RGPD1: variants seen among roughly 807,000 people sequenced by gnomAD.
RGPD1 encodes the protein RANBP2 like and GRIP domain containing 1.
In RGPD1, 7 loss-of-function variants were observed where a neutral mutation model predicts 40.6. The ratio of observed to expected loss-of-function variants is 0.17; its 90% CI spans 0.10 to 0.32. The LOEUF is 0.32. Ranked by LOEUF, RGPD1 falls within the 10% of genes least tolerant of loss-of-function variation. The pLI is 1.00. For synonymous variants in RGPD1, 24 were observed against 167.0 expected (o/e 0.14, Z 6.60); for missense variants, 50 against 472.5 (o/e 0.11, Z 8.29).
At position 86,915,370 on chromosome 2, in the gene RGPD1, T is replaced by C. The variant is rs969209152; in HGVS notation, c.72+1449T>C. ...TTTAGGAATTTTCACTGCTGGTAAA[T>C]GGTATTCCAAGTTGCTATAGAGATT... On this transcript the variant is annotated intron_variant, in intron 1 of 22. Transcript: ENST00000398193. Among the ~76,000 whole-genome samples the C allele has an allele frequency of 2.0e-5, 3 of 148,872 alleles. 1 individual carries two copies. The highest frequency in any genetic ancestry group is 7.4e-5 in the African/African-American group (3 of 40,434).
chr2:86,913,742 C>T, upstream of RGPD1: 3 of 1,362,846 alleles, frequency 2.2e-6, no homozygotes, highest in Non-Finnish European at 2.0e-6. Context: ...CACAGTGGTC[C>T]TCCGCCGGCT....
chr2:86,941,098 C>G (rs1679709980), upstream of RGPD1, among the ~76,000 whole-genome samples: 1 of 151,850 alleles, frequency 6.6e-6, no homozygotes, highest in African/African-American at 2.4e-5. Flanking sequence ...CAAAATAGCC[C>G]AAATTTCCAG....
In RGPD1 at chr2:87,013,465, A is replaced by G. The variant is rs1682271845; in HGVS notation, c.*918A>G. The G allele has an allele frequency of 1.2e-5, 2 of 160,902 alleles. No individual in the cohort carries two copies. Among genetic ancestry groups the G allele is most frequent in the Non-Finnish European group, 2.4e-5 (2 of 82,682 alleles). The allele number at this position is 160,902 out of a possible 1,614,324, so 10.0% of individuals were successfully genotyped here. A position where few individuals can be genotyped will look rare whatever the true frequency, so the allele number is the denominator to read the frequency against. Reference sequence around the variant, plus strand: ...GAAATATTCAAGTAAACAATATAAAATGAGATCACTTGATGATACATGGAT... The same window carrying G: ...GAAATATTCAAGTAAACAATATAAAGTGAGATCACTTGATGATACATGGAT... On this transcript the variant is annotated 3_prime_UTR_variant, in exon 23 of 23. Coordinates refer to ENST00000641458, the MANE Select transcript of RGPD1 (RefSeq NM_001382344.1).
rs867333590 is a variant in RGPD1, at chr2:86,930,178, C to A, written c.72+16257C>A. 17 of 1,450,096 alleles carry A rather than the reference C, an allele frequency of 1.2e-5. 3 individuals carry two copies. In the Middle Eastern group the frequency reaches 1.5e-3, roughly 126 times the overall value. 89.8% of individuals were successfully genotyped at this position (1,450,096 alleles called of 1,614,324 possible). ...AGGGGTCACCCCTGCCCCAGACTCA[C>A]CCTCCTGATGAGGGAGGGCACTCTG... On this transcript the variant is annotated intron_variant, in intron 1 of 22. Coordinates refer to the RGPD1 transcript ENST00000398193.
intron 1 of RGPD1, among the ~76,000 whole-genome samples, chr2:86,924,081 CA>C (rs1678262145): frequency 3.3e-5 from 2 of 60,544 alleles, no homozygotes; most frequent in Non-Finnish European, 6.3e-5. Context: ...AGGCTATTTC[CA>C]TTTTTTTTTT....
At chr2:86,915,387 A>G (rs978780159) in intron 1 of RGPD1, among the ~76,000 whole-genome samples, 6 of 148,002 alleles carry the variant, frequency 4.1e-5, no homozygotes, top group Non-Finnish European at 7.5e-5. Flanking sequence ...CCAAGTTGCT[A>G]TAGAGATTCC....
intron 1 of RGPD1, among the ~76,000 whole-genome samples, chr2:86,914,971 C>A (rs151053816): frequency 6.9e-6 from 1 of 145,534 alleles, no homozygotes; most frequent in Admixed American, 6.9e-5. Context: ...TAAGGTACTT[C>A]TGTTGGGGAA....
chr2:86,928,008 AAGATC>A (rs1678626737), intron 1 of RGPD1, among the ~76,000 whole-genome samples: 1 of 104,374 alleles, frequency 9.6e-6, no homozygotes, highest in African/African-American at 4.3e-5. Context: ...ATATTGTTCT[AAGATC>A]AGGAATACAG....
At position 86,964,251 on chromosome 2, in the gene RGPD1, G is replaced by A. The variant is rs1450448264; in HGVS notation, c.975+1027G>A. ...GTAGAGACGGGGTTTCACTGTGTTAGCCAGGATGGTCTCAATCTCCTGACC... is the reference window on the plus strand; with the variant it reads ...GTAGAGACGGGGTTTCACTGTGTTAACCAGGATGGTCTCAATCTCCTGACC... On this transcript the variant is annotated intron_variant, in intron 7 of 22. Transcript: ENST00000641458. Among the ~76,000 whole-genome samples the A allele has an allele frequency of 3.9e-5, 4 of 103,850 alleles. 2 individuals are homozygous for A. Among genetic ancestry groups the A allele is most frequent in the African/African-American group, 1.8e-4 (4 of 21,936 alleles). The allele number at this position is 103,850 out of a possible 152,430, so 68.1% of individuals were successfully genotyped here. A position where few individuals can be genotyped will look rare whatever the true frequency, so the allele number is the denominator to read the frequency against.
intron 1 of RGPD1, among the ~76,000 whole-genome samples, chr2:86,914,254 C>T (rs1384705818): frequency 8.2e-5 from 7 of 85,096 alleles, no homozygotes; most frequent in Non-Finnish European, 1.4e-4. Flanking sequence ...GCGGCGGCGG[C>T]GGCCTCGGCC....
chr2:86,913,828 C>T lies in RGPD1; in HGVS notation c.-22C>T, dbSNP rs544949230. The T allele has an allele frequency of 2.0e-5, 32 of 1,561,482 alleles. No individual in the cohort carries two copies. In the African/African-American group the frequency reaches 3.2e-4, roughly 15 times the overall value. On this transcript the variant is annotated 5_prime_UTR_variant, in exon 1 of 23. Transcript: ENST00000398193. ...GGCTGAGCGCTGGTTTCACGCGTCTCGGGAGCCAGGTTGGCGGTGCGATGA... is the reference window on the plus strand; with the variant it reads ...GGCTGAGCGCTGGTTTCACGCGTCTTGGGAGCCAGGTTGGCGGTGCGATGA...
upstream of RGPD1, among the ~76,000 whole-genome samples, chr2:86,938,520 T>C (rs1431632861): frequency 6.9e-6 from 1 of 145,618 alleles, no homozygotes; most frequent in African/African-American, 2.6e-5. Context: ...AAGATCAGAG[T>C]AGGCATGGGC....
intron 1 of RGPD1, among the ~76,000 whole-genome samples, chr2:86,943,140 G>A (rs1345379992): frequency 4.0e-5 from 6 of 151,360 alleles, no homozygotes; most frequent in Non-Finnish European, 8.8e-5. Flanking sequence ...GAGTGACAAC[G>A]TAGGCATCTC....
chr2:86,942,551 C>CGGCCTCGACCTGGCCGGGCGGCGGCGGT (rs1679932097), intron 1 of RGPD1, among the ~76,000 whole-genome samples: 4 of 129,390 alleles, frequency 3.1e-5, no homozygotes, highest in Admixed American at 7.4e-5. Context: ...GCGGCGGCGG[C>CGGCCTCGACCTGGCCGGGCGGCGGCGGT]GGCCTCGACG....
intron 1 of RGPD1, among the ~76,000 whole-genome samples, chr2:86,931,808 A>G (rs1678985783): frequency 6.7e-6 from 1 of 149,662 alleles, no homozygotes; most frequent in Admixed American, 6.7e-5. Flanking sequence ...TGGTATGAAA[A>G]TAAAGATCCT....
chr2:86,929,871 G>A (rs1678792470), intron 1 of RGPD1, among the ~76,000 whole-genome samples: 2 of 142,730 alleles, frequency 1.4e-5, no homozygotes, highest in Admixed American at 1.4e-4. Context: ...AGGAACGCAA[G>A]GAGTTGGGAC....
chr2:86,915,021 C>T (rs1370169776), intron 1 of RGPD1, among the ~76,000 whole-genome samples: 1 of 149,742 alleles, frequency 6.7e-6, no homozygotes, highest in Non-Finnish European at 1.5e-5. Context: ...GCCTGCTGGG[C>T]ATGGTGGCTC....
At chr2:86,925,251 G>A (rs867201853) in intron 1 of RGPD1, among the ~76,000 whole-genome samples, 82 of 151,650 alleles carry the variant, frequency 5.4e-4, no homozygotes, top group African/African-American at 1.6e-3. Context: ...GTTATCCAAT[G>A]TATCAGTTTT....
chr2:86,926,767 T>G (rs565597580), intron 1 of RGPD1, among the ~76,000 whole-genome samples: 31 of 152,312 alleles, frequency 2.0e-4, no homozygotes, highest in African/African-American at 7.2e-4. Flanking sequence ...TATTACAAGG[T>G]TCAGTGAATT....
Sources: gnomAD v4.1 joint callset for allele counts (sites outside exome capture counted in the v4.1 genomes callset) on GRCh38, gnomAD v4.1.1 for gene constraint, MANE v1.5 for transcripts, NCBI Gene and HGNC (gene_info 2026-07-23, HGNC 2026-07-21) for gene names.